INSL6: variants seen among roughly 807,000 people sequenced by gnomAD.
INSL6 encodes insulin-like peptide INSL6.
A neutral mutation model predicts 9.4 loss-of-function variants in INSL6; 16 were observed. That is an observed-to-expected ratio of 1.70 (90% CI 1.15 to 2.59). The LOEUF (loss-of-function observed/expected upper bound fraction) is 2.59. Ranked by LOEUF, INSL6 falls within the 30% of genes most tolerant of loss-of-function variation. The pLI, the probability that INSL6 is intolerant of heterozygous loss-of-function variation, is 0.00. For synonymous variants in INSL6, 154 were observed against 96.9 expected, an observed-to-expected ratio of 1.59 and a Z score of -3.46; for missense variants, 391 against 257.3, an observed-to-expected ratio of 1.52 and a Z score of -3.56.
chr9:5,006,308 T>A, the INSL6 span, among the ~76,000 whole-genome samples: 3 of 152,198 alleles, frequency 2.0e-5, no homozygotes, highest in African/African-American at 7.2e-5. Context: ...TATTGGTGTA[T>A]AAGAATGCTT....
chr9:5,090,015 T>C, the INSL6 span: 2 of 463,090 alleles, frequency 4.3e-6, no homozygotes, highest in Admixed American at 4.3e-5. Flanking sequence ...TTGGTGATCA[T>C]AGACTATAAC....
chr9:5,063,006 T>C, the INSL6 span, among the ~76,000 whole-genome samples: 1 of 152,186 alleles, frequency 6.6e-6, no homozygotes, highest in Admixed American at 6.5e-5. Context: ...CTTTTAATTT[T>C]GTTTAGGATA....
the INSL6 span, among the ~76,000 whole-genome samples, chr9:5,003,067 C>G: frequency 6.6e-6 from 1 of 151,914 alleles, no homozygotes; most frequent in Non-Finnish European, 1.5e-5. Context: ...TTTTTTTGGA[C>G]TCTATTCTGT....
chr9:5,082,160 C>G, the INSL6 span, among the ~76,000 whole-genome samples: 2 of 152,300 alleles, frequency 1.3e-5, no homozygotes, highest in Middle Eastern at 3.4e-3. Flanking sequence ...GGGACCAGTG[C>G]TCAGCATATG....
chr9:5,042,380 A>G, the INSL6 span, among the ~76,000 whole-genome samples: 301 of 143,904 alleles, frequency 2.1e-3, no homozygotes, highest in Non-Finnish European at 2.8e-3. Flanking sequence ...CTCATGATCC[A>G]CCCGCCTCGG....
chr9:5,155,447 C>T (rs1426055192), intron 2 of INSL6, among the ~76,000 whole-genome samples: 1 of 149,490 alleles, frequency 6.7e-6, no homozygotes, highest in Non-Finnish European at 1.5e-5. Flanking sequence ...GCACGTTATG[C>T]ACATGTACCC....
chr9:5,056,983 G>A, the INSL6 span, among the ~76,000 whole-genome samples: 2 of 152,134 alleles, frequency 1.3e-5, no homozygotes, highest in African/African-American at 2.4e-5. Context: ...CTAAGTATCC[G>A]TAAAGCTCCT....
chr9:5,184,624 T>G (rs927870054), intron 1 of INSL6, among the ~76,000 whole-genome samples: 1 of 152,198 alleles, frequency 6.6e-6, no homozygotes, highest in Non-Finnish European at 1.5e-5. Flanking sequence ...CTGAAACCTA[T>G]GTAGTCACAC....
the INSL6 span, among the ~76,000 whole-genome samples, chr9:5,102,437 G>A: frequency 6.6e-6 from 1 of 152,174 alleles, no homozygotes; most frequent in Admixed American, 6.5e-5. Flanking sequence ...GAAAGTGACG[G>A]GGAGAATGGA....
the INSL6 span, chr9:5,114,526 C>T: frequency 1.7e-5 from 8 of 466,958 alleles, no homozygotes; most frequent in East Asian, 5.5e-5. Flanking sequence ...CTAGAAGAGC[C>T]GAGGAACCAG....
At chr9:4,992,418 G>A in the INSL6 span, among the ~76,000 whole-genome samples, 1 of 152,194 alleles carries the variant, frequency 6.6e-6, no homozygotes, top group Non-Finnish European at 1.5e-5. Context: ...TTTGATGGGG[G>A]AGTGGCAAGT....
At chr9:5,061,470 T>A in the INSL6 span, among the ~76,000 whole-genome samples, 1 of 152,262 alleles carries the variant, frequency 6.6e-6, no homozygotes, top group Non-Finnish European at 1.5e-5. Context: ...CTTGCACTTA[T>A]GCTGTGCACA....
At position 5,185,584 on chromosome 9, in the gene INSL6, A is replaced by G. The variant is rs1313941729; in HGVS notation, c.19T>C (p.Leu7=). The change falls in exon 1 of 2, where the codon TTG becomes CTG. Residue 7 remains leucine, a synonymous_variant. Transcript: ENST00000381641. ...AGGAGTCCAAGCCACAGCAGGGACA[A>G]GCGGAGGAGCCGCGGCATCCCTGTG... is the stretch of plus-strand genomic sequence containing the variant. MPRLLR[L]SLLWLGLLLV... is the part of the protein sequence containing the mutation. 1.4e-5 allele frequency: 23 copies of G among 1,613,296 alleles called. No homozygotes were observed. The highest frequency in any genetic ancestry group is 1.9e-5 in the Non-Finnish European group (22 of 1,179,910).
At chr9:5,145,511 A>C (rs1824585542) in intron 2 of INSL6, among the ~76,000 whole-genome samples, 2 of 152,168 alleles carry the variant, frequency 1.3e-5, no homozygotes, top group Non-Finnish European at 2.9e-5. Flanking sequence ...CTGTCTTGCT[A>C]GGTTGGGAAA....
intron 2 of INSL6, among the ~76,000 whole-genome samples, chr9:5,135,656 C>T (rs1191573246): frequency 6.6e-6 from 1 of 151,832 alleles, no homozygotes; most frequent in Non-Finnish European, 1.5e-5. Context: ...ACTAAGTGCC[C>T]ACAAGAGAAA....
At chr9:5,159,909 C>T (rs764206607), downstream of INSL6, among the ~76,000 whole-genome samples, 5 of 152,132 alleles carry the variant, frequency 3.3e-5, no homozygotes, top group South Asian at 2.1e-4. Flanking sequence ...TGGTGGCTCA[C>T]GCCGCCTGTA....
intron 2 of INSL6, among the ~76,000 whole-genome samples, chr9:5,153,502 T>G (rs902321478): frequency 2.6e-5 from 4 of 152,078 alleles, no homozygotes; most frequent in Admixed American, 6.5e-5. Context: ...GAGAAAGAAA[T>G]AAAAGGTATT....
At chr9:5,095,933 T>G in the INSL6 span, among the ~76,000 whole-genome samples, 1 of 152,154 alleles carries the variant, frequency 6.6e-6, no homozygotes, top group African/African-American at 2.4e-5. Context: ...TGAAACAAAT[T>G]AACATGATTA....
chr9:5,168,292 AT>A (rs1825100225), intron 1 of INSL6, among the ~76,000 whole-genome samples: 1 of 152,242 alleles, frequency 6.6e-6, no homozygotes, highest in Admixed American at 6.5e-5. Flanking sequence ...CTAAAGGAGT[AT>A]GTTCAAACTT....
Sources: allele counts gnomAD v4.1 joint callset (sites outside exome capture counted in the v4.1 genomes callset), GRCh38; gene constraint gnomAD v4.1.1; transcripts MANE v1.5; gene names NCBI Gene and HGNC (gene_info 2026-07-23, HGNC 2026-07-21).